Variants in MREG observed in about 807,000 individuals in gnomAD.
The protein encoded by MREG is dilute suppressor protein homolog.
In MREG, 31 loss-of-function variants were observed where a neutral mutation model predicts 28.5. The observed-to-expected ratio is 1.09, with a 90% CI of 0.82 to 1.47. MREG has a LOEUF of 1.47. Among genes scored for constraint, MREG ranks in the 40% most tolerant of loss-of-function variants. The pLI, the probability that MREG is intolerant of heterozygous loss-of-function variation, is 0.00. For missense variants in MREG, 256 were observed against 257.4 expected (o/e 0.99, Z 0.04); for synonymous variants, 106 against 95.2 (o/e 1.11, Z -0.66).
chr2:215,981,947 G>T (rs765688202), intron 2 of MREG, among the ~76,000 whole-genome samples: 1 of 152,068 alleles, frequency 6.6e-6, no homozygotes, highest in Non-Finnish European at 1.5e-5. Context: ...GATGCTGCTC[G>T]CTGGCCTACA....
At chr2:215,968,099 C>G (rs1359275145) in intron 2 of MREG, among the ~76,000 whole-genome samples, 1 of 152,170 alleles carries the variant, frequency 6.6e-6, no homozygotes, top group Non-Finnish European at 1.5e-5. Context: ...GAAATCATGT[C>G]TCCAGAAGGA....
chr2:215,971,272 A>T (rs937066833), intron 2 of MREG, among the ~76,000 whole-genome samples: 8 of 152,218 alleles, frequency 5.3e-5, no homozygotes, highest in Non-Finnish European at 1.0e-4. Flanking sequence ...AAACCTGCAC[A>T]TTCTGCACAT....
chr2:215,992,192 T>C (rs56201581), intron 2 of MREG, among the ~76,000 whole-genome samples: 9,940 of 152,248 alleles, frequency 0.065, 711 homozygotes, highest in African/African-American at 0.18. Context: ...AAAAAGCTTA[T>C]CCACCACAAT....
intron 2 of MREG, among the ~76,000 whole-genome samples, chr2:215,993,296 A>G (rs1005486393): frequency 1.8e-4 from 27 of 152,210 alleles, no homozygotes; most frequent in Admixed American, 1.8e-3. Context: ...TCTTTGACAA[A>G]CTTGACAAAA....
At chr2:215,991,191 C>G (rs912801302) in intron 2 of MREG, among the ~76,000 whole-genome samples, 5 of 152,178 alleles carry the variant, frequency 3.3e-5, no homozygotes, top group African/African-American at 1.2e-4. Context: ...TCGTAACGGT[C>G]TCTCAGACCA....
At chr2:215,990,513 T>C (rs893236679) in intron 2 of MREG, among the ~76,000 whole-genome samples, 3 of 152,154 alleles carry the variant, frequency 2.0e-5, no homozygotes, top group African/African-American at 7.2e-5. Context: ...CCAGCTAGCA[T>C]CATAATGATG....
At chr2:215,951,054 C>G (rs139139153) in intron 2 of MREG, among the ~76,000 whole-genome samples, 1 of 152,230 alleles carries the variant, frequency 6.6e-6, no homozygotes, top group African/African-American at 2.4e-5. Flanking sequence ...GAAGAAGGTG[C>G]TTTCTTCCCC....
intron 2 of MREG, among the ~76,000 whole-genome samples, chr2:215,949,037 TAC>T (rs1419281580): frequency 9.3e-6 from 1 of 107,974 alleles, no homozygotes; most frequent in Non-Finnish European, 1.9e-5. Flanking sequence ...ACCCTGTCTC[TAC>T]TACTACTACT....
At chr2:215,974,825 GACACACACACACAC>G (rs71982102) in intron 2 of MREG, among the ~76,000 whole-genome samples, 3 of 126,648 alleles carry the variant, frequency 2.4e-5, no homozygotes, top group Non-Finnish European at 5.0e-5. Context: ...CACACACACA[GACACACACACACAC>G]ACACACACAC....
intron 2 of MREG, among the ~76,000 whole-genome samples, chr2:215,982,896 A>T (rs1254461927): frequency 6.6e-6 from 1 of 152,180 alleles, no homozygotes; most frequent in Non-Finnish European, 1.5e-5. Context: ...AACATGAAGC[A>T]TGTTGCTTAG....
chr2:216,015,462 G>C (rs1289519530), upstream of MREG, among the ~76,000 whole-genome samples: 1 of 152,142 alleles, frequency 6.6e-6, no homozygotes, highest in Non-Finnish European at 1.5e-5. Flanking sequence ...AAGAGTTATA[G>C]GAGATAGCGG....
In MREG at chr2:216,013,467, G is replaced by C. The variant is rs1360015092; in HGVS notation, c.-140C>G. 3.1e-6 allele frequency: 1 copy of C among 324,978 alleles called. No homozygotes were observed. The highest frequency in any genetic ancestry group is 5.0e-6 in the Non-Finnish European group (1 of 201,950). 20.1% of individuals were successfully genotyped at this position (324,978 alleles called of 1,614,324 possible). ...CCGGGCGTCGCGGGCTGGTCCGCGC[G>C]CATCACGCCGCGGCCGGGGACGCGG... On this transcript the variant is annotated 5_prime_UTR_variant, in exon 1 of 5. Transcript: ENST00000263268.
intron 2 of MREG, among the ~76,000 whole-genome samples, chr2:215,975,026 A>ATATATATATATATATATG (rs1268461887): frequency 3.0e-4 from 43 of 145,696 alleles, no homozygotes; most frequent in African/African-American, 1.0e-3. Flanking sequence ...ATATATATAT[A>ATATATATATATATATATG]TGAAATAATA....
chr2:215,986,738 G>A (rs1213134579), intron 2 of MREG, among the ~76,000 whole-genome samples: 3 of 152,182 alleles, frequency 2.0e-5, no homozygotes, highest in Non-Finnish European at 4.4e-5. Context: ...CTGCCACCAT[G>A]TAAGACATGA....
In MREG at chr2:215,979,464, AAAAAATAATAATAATAAT is replaced by A. The variant is rs1194819291; in HGVS notation, c.255+16824_255+16841del. 2.8e-4 allele frequency among the ~76,000 whole-genome samples: 24 copies of A among 84,516 alleles called. 1 individual carries two copies. The highest frequency in any genetic ancestry group is 1.3e-3 in the African/African-American group (24 of 19,062). The allele number at this position is 84,516 out of a possible 152,430, so 55.4% of individuals were successfully genotyped here. The stretch of plus-strand genomic sequence containing the variant: ...GGCAACAAGAGTGAAACTCCATCTC[AAAAAATAATAATAATAAT>A]AATAATAATAATAATAATAATAATA... On this transcript the variant is annotated intron_variant, in intron 2 of 4. Transcript: ENST00000263268.
chr2:215,954,963 C>G (rs535360281), intron 2 of MREG, among the ~76,000 whole-genome samples: 1 of 152,270 alleles, frequency 6.6e-6, no homozygotes, highest in East Asian at 1.9e-4. Context: ...TTGGCCTCCC[C>G]AAGTTCTAGG....
chr2:215,985,337 G>T (rs1019403063), intron 2 of MREG, among the ~76,000 whole-genome samples: 5 of 152,176 alleles, frequency 3.3e-5, no homozygotes, highest in Non-Finnish European at 7.4e-5. Flanking sequence ...TAGGAACATT[G>T]AGGCTGTTTA....
At chr2:215,989,318 G>A (rs916573029) in intron 2 of MREG, among the ~76,000 whole-genome samples, 1 of 152,192 alleles carries the variant, frequency 6.6e-6, no homozygotes, top group Non-Finnish European at 1.5e-5. Flanking sequence ...CTGTTAGAAG[G>A]AAAACTAACA....
chr2:216,007,307 G>C (rs575887913), intron 1 of MREG, among the ~76,000 whole-genome samples: 2 of 152,114 alleles, frequency 1.3e-5, no homozygotes, highest in Non-Finnish European at 2.9e-5. Context: ...TGCCTGAGAC[G>C]CACAGCCCCA....
Sources: allele counts gnomAD v4.1 joint callset (sites outside exome capture counted in the v4.1 genomes callset), GRCh38; gene constraint gnomAD v4.1.1; transcripts MANE v1.5; gene names NCBI Gene and HGNC (gene_info 2026-07-23, HGNC 2026-07-21).